Variants in ZNF106 observed in about 807,000 individuals in gnomAD.
The protein encoded by ZNF106 is SH3-domain binding protein 3.
ZNF106 carries 67 observed loss-of-function variants against 195.1 expected under a neutral mutation model. The ratio of observed to expected loss-of-function variants is 0.34; its 90% CI spans 0.28 to 0.42. The LOEUF is 0.42. ZNF106 is among the 10% of genes least tolerant of loss of function. The pLI is 1.00. For synonymous variants in ZNF106, 784 were observed against 818.6 expected (o/e 0.96, Z 0.72); for missense variants, 2,118 against 2,304.5 (o/e 0.92, Z 1.66).
intron 18 of ZNF106, 106 bp from the exon 19 acceptor site, chr15:42,422,094 A>C: frequency 2.5e-6 from 2 of 814,660 alleles, no homozygotes; most frequent in Non-Finnish European, 3.6e-6. Context: ...CTGAGGCGCC[A>C]AGTGGAAGCA....
intron 2 of ZNF106, among the ~76,000 whole-genome samples, chr15:42,468,499 C>G (rs2056585010): frequency 6.6e-6 from 1 of 151,530 alleles, no homozygotes; most frequent in Admixed American, 6.6e-5. Flanking sequence ...AATCCCAGCA[C>G]TTTGGGAGGC....
At chr15:42,441,072 C>T (rs1183092132) in intron 10 of ZNF106, among the ~76,000 whole-genome samples, 1 of 120,160 alleles carries the variant, frequency 8.3e-6, no homozygotes, top group Non-Finnish European at 1.7e-5. Flanking sequence ...CAGTGGCTCA[C>T]ACCTGTAATC....
In ZNF106 at chr15:42,444,872, C is replaced by G. The variant is rs774374054; in HGVS notation, c.3315G>C (p.Gln1105His). 2 of 1,614,206 alleles carry G rather than the reference C, an allele frequency of 1.2e-6. No individual in the cohort carries two copies. The highest frequency in any genetic ancestry group is 1.7e-6 in the Non-Finnish European group (2 of 1,180,042). The stretch of plus-strand genomic sequence containing the variant: ...GCCTCTGAACTTCCACATAAGCTGT[C>G]TGAAGGGCTGCACGGGCTTGCAGAA... ...NNLLQARAAL[Q>H]TAYVEVQRLL... Residue 1105 changes from glutamine to histidine, a missense_variant, in exon 8 of 22, where the codon CAG becomes CAC. Gln to His is a conservative substitution (Grantham distance 24). Transcript: ENST00000564754.
chr15:42,471,198 C>T lies in ZNF106; in HGVS notation c.54+1038G>A, dbSNP rs1024207192. On this transcript the variant is annotated intron_variant, in intron 2 of 21. Transcript: ENST00000564754. ...CCCAAAATATCTCTTCCTCGTTTCT[C>T]TTAAACCATCGTTACTCTAGACACT... 2.0e-5 allele frequency among the ~76,000 whole-genome samples: 3 copies of T among 152,308 alleles called. No individual in the cohort carries two copies. In the East Asian group the frequency reaches 5.8e-4, roughly 29 times the overall value.
chr15:42,477,295 A>T (rs1282050740), intron 1 of ZNF106, among the ~76,000 whole-genome samples: 1 of 152,190 alleles, frequency 6.6e-6, no homozygotes, highest in Non-Finnish European at 1.5e-5. Context: ...TCCAATAAAT[A>T]TATTTAAACC....
intron 8 of ZNF106, among the ~76,000 whole-genome samples, chr15:42,444,604 T>C (rs1320000778): frequency 1.3e-5 from 2 of 152,212 alleles, no homozygotes; most frequent in Admixed American, 6.5e-5. Flanking sequence ...CAGCCTACTC[T>C]GTAAGTAAGC....
intron 2 of ZNF106, among the ~76,000 whole-genome samples, chr15:42,466,418 C>T (rs770332802): frequency 5.3e-5 from 8 of 152,010 alleles, no homozygotes; most frequent in East Asian, 1.9e-4. Context: ...TAAATTCTAT[C>T]CCATTATAAA....
intron 1 of ZNF106, among the ~76,000 whole-genome samples, chr15:42,485,770 A>G (rs1449867806): frequency 6.6e-6 from 1 of 152,206 alleles, no homozygotes; most frequent in African/African-American, 2.4e-5. Flanking sequence ...ATGCACAACA[A>G]TAAACAATGT....
chr15:42,485,958 TTC>T (rs1355826509), intron 1 of ZNF106, among the ~76,000 whole-genome samples: 3 of 139,068 alleles, frequency 2.2e-5, no homozygotes, highest in South Asian at 2.2e-4. Context: ...TTATTACTCT[TTC>T]TTTTTTTTTT....
rs113998025 is a variant in ZNF106 at position 42,448,427 on chromosome 15, T to C, written c.2780A>G (p.Gln927Arg). 1.4e-3 allele frequency: 2,272 copies of C among 1,614,180 alleles called. 35 individuals are homozygous for C. The African/African-American group carries it at 0.027, about 19-fold the overall frequency. ...TTGTTTGAGGTGCATGGTTGCTTTCTGGCTCTGTCCAGCCCTCAATGAGTT... is the reference window on the plus strand; with the variant it reads ...TTGTTTGAGGTGCATGGTTGCTTTCCGGCTCTGTCCAGCCCTCAATGAGTT... ...PSNSLRAGQS[Q>R]KATMHLKQEV... Residue 927 changes from glutamine to arginine, a missense_variant, in exon 6 of 22, where the codon CAG becomes CGG. By Grantham distance (43) the Gln-to-Arg change is conservative. Coordinates refer to ENST00000564754, the MANE Select transcript of ZNF106 (RefSeq NM_001366845.3).
intron 13 of ZNF106, 116 bp from the exon 14 acceptor site, chr15:42,435,634 A>G: frequency 8.0e-7 from 1 of 1,256,768 alleles, no homozygotes; most frequent in African/African-American, 1.5e-5. Context: ...CCTCATGTCT[A>G]AAACAGCACC....
rs544180439 is a variant in ZNF106, at chr15:42,415,041, T to C, written c.*2263A>G. The C allele has an allele frequency of 2.0e-5, 3 of 153,814 alleles. No individual in the cohort carries two copies. Among genetic ancestry groups the C allele is most frequent in the African/African-American group, 7.2e-5 (3 of 41,446 alleles). The allele number at this position is 153,814 out of a possible 1,614,324, so 9.5% of individuals were successfully genotyped here. A position where few individuals can be genotyped will look rare whatever the true frequency, so the allele number is the denominator to read the frequency against. ...TCACTAGTGTGGTTAACAAAATGGC[T>C]TTCCCCAAGGACAGAAGTCAAGAGC... On this transcript the variant is annotated 3_prime_UTR_variant, in exon 22 of 22. Coordinates refer to ENST00000564754, the MANE Select transcript of ZNF106 (RefSeq NM_001366845.3).
At chr15:42,490,387 T>C (rs2057125078) in intron 1 of ZNF106, 1 of 152,062 alleles carries the variant, frequency 6.6e-6, no homozygotes, top group Admixed American at 6.6e-5. Flanking sequence ...CTCAATAAGA[T>C]GCCTTAATCT....
chr15:42,474,062 C>T (rs1193175561), intron 1 of ZNF106, among the ~76,000 whole-genome samples: 1 of 152,198 alleles, frequency 6.6e-6, no homozygotes, highest in African/African-American at 2.4e-5. Flanking sequence ...CGTGAGCCAT[C>T]TTGGGGGCTC....
rs759162503 is a variant in ZNF106, at chr15:42,416,242, C to A, written c.*1062G>T. The A allele has an allele frequency of 5.3e-5, 8 of 152,194 alleles. No homozygotes were observed. Among genetic ancestry groups the A allele is most frequent in the Non-Finnish European group, 1.2e-4 (8 of 68,064 alleles). The allele number at this position is 152,194 out of a possible 1,614,324, so 9.4% of individuals were successfully genotyped here. A position where few individuals can be genotyped will look rare whatever the true frequency, so the allele number is the denominator to read the frequency against. On this transcript the variant is annotated 3_prime_UTR_variant, in exon 22 of 22. Transcript: ENST00000564754. ...AAAGAACTGTCTCAGAAACAAGTCT[C>A]TAGGAAGTCTGCTTGAGGTCCTGAA... is the stretch of plus-strand genomic sequence containing the variant.
chr15:42,427,860 C>T (rs2054910527), intron 15 of ZNF106, among the ~76,000 whole-genome samples, 158 bp downstream of exon 15: 1 of 152,200 alleles, frequency 6.6e-6, no homozygotes, highest in East Asian at 1.9e-4. Context: ...GATCTTGTTT[C>T]ACTTACATCA....
chr15:42,456,911 C>T (rs1311312718), intron 4 of ZNF106, 47 bp downstream of exon 4: 1 of 1,516,764 alleles, frequency 6.6e-7, no homozygotes. Flanking sequence ...ATATTCTCTG[C>T]TGTGTTCTGT....
chr15:42,482,529 T>TTTTG lies in ZNF106; in HGVS notation c.-33+8450_-33+8451insCAAA, dbSNP rs1460151999. Among the ~76,000 whole-genome samples, 42 of 137,160 alleles carry TTTTG rather than the reference T, an allele frequency of 3.1e-4. 1 individual carries two copies. Among genetic ancestry groups the TTTTG allele is most frequent in the African/African-American group, 1.2e-3 (42 of 35,406 alleles). 90.0% of individuals were successfully genotyped at this position (137,160 alleles called of 152,430 possible). A position where few individuals can be genotyped will look rare whatever the true frequency, so the allele number is the denominator to read the frequency against. On this transcript the variant is annotated intron_variant, in intron 1 of 21. Transcript: ENST00000564754. ...CAGTAGATGAAATCTCCAGTTTTTT[T>TTTTG]TTTTTTTTTTTTTTTTTGAGATGGA...
chr15:42,449,801 T>C lies in ZNF106; in HGVS notation c.2471A>G (p.Lys824Arg), dbSNP rs1280419168. The C allele has an allele frequency of 1.9e-6, 3 of 1,614,050 alleles. No homozygotes were observed. The highest frequency in any genetic ancestry group is 1.7e-6 in the Non-Finnish European group (2 of 1,179,938). Residue 824 changes from lysine (K) to arginine (R), a missense_variant, in exon 5 of 22, where the codon AAA (lysine) becomes AGA (arginine). Transcript: ENST00000564754. ...TAAGCCTTTGCCCAGCTCTTGCTTT[T>C]TCTTGGTTACTTGCTGAATGACCTG... ...WEQVIQQVTK[K>R]KQELGKGLPR...
Sources: gnomAD v4.1 joint callset for allele counts (sites outside exome capture counted in the v4.1 genomes callset) on GRCh38, gnomAD v4.1.1 for gene constraint, MANE v1.5 for transcripts, NCBI Gene and HGNC (gene_info 2026-07-23, HGNC 2026-07-21) for gene names.